PTPRK: variants seen among roughly 807,000 people sequenced by gnomAD.
The protein encoded by PTPRK is receptor-type tyrosine-protein phosphatase kappa.
Under a neutral mutation model 178.0 loss-of-function variants are expected in PTPRK, and 75 were observed. The observed-to-expected ratio is 0.42, with a 90% CI of 0.35 to 0.51. PTPRK has a LOEUF of 0.51. PTPRK is among the 20% of genes least tolerant of loss of function. The pLI, the probability that PTPRK is intolerant of heterozygous loss-of-function variation, is 0.02. For missense variants in PTPRK, 1,441 were observed against 1,797.8 expected (o/e 0.80, Z 3.59); for synonymous variants, 637 against 620.6 (o/e 1.03, Z -0.39).
At chr6:127,980,072 G>A (rs1252238298) in intron 25 of PTPRK, among the ~76,000 whole-genome samples, 4 of 152,064 alleles carry the variant, frequency 2.6e-5, no homozygotes, top group Non-Finnish European at 4.4e-5. Flanking sequence ...GTACTTTGGG[G>A]GGCCGAGGCA....
chr6:128,295,811 C>T (rs1242292026), intron 3 of PTPRK, among the ~76,000 whole-genome samples: 2 of 152,052 alleles, frequency 1.3e-5, no homozygotes, highest in Non-Finnish European at 2.9e-5. Context: ...ATATGCAGAG[C>T]TAATATACCT....
intron 2 of PTPRK, among the ~76,000 whole-genome samples, chr6:128,369,326 T>C (rs1315465949): frequency 6.6e-6 from 1 of 152,034 alleles, no homozygotes; most frequent in African/African-American, 2.4e-5. Flanking sequence ...GTAAATAACG[T>C]TTAAAGGCAG....
chr6:128,338,793 A>G (rs1831284782), intron 2 of PTPRK, among the ~76,000 whole-genome samples: 3 of 152,148 alleles, frequency 2.0e-5, no homozygotes, highest in African/African-American at 7.2e-5. Context: ...AGGATGGCTG[A>G]AAAGGTGAGT....
At chr6:128,335,018 G>A (rs573390546) in intron 2 of PTPRK, among the ~76,000 whole-genome samples, 1 of 152,272 alleles carries the variant, frequency 6.6e-6, no homozygotes, top group East Asian at 1.9e-4. Flanking sequence ...AACCCAGGAG[G>A]CGAAGTTTGC....
intron 2 of PTPRK, among the ~76,000 whole-genome samples, chr6:128,386,972 G>A (rs1321103723): frequency 1.3e-5 from 2 of 152,142 alleles, no homozygotes; most frequent in East Asian, 3.9e-4. Flanking sequence ...GGTGGCTGAG[G>A]CAGGAGAATC....
At chr6:128,439,328 G>C (rs1397346825) in intron 1 of PTPRK, among the ~76,000 whole-genome samples, 1 of 152,064 alleles carries the variant, frequency 6.6e-6, no homozygotes, top group African/African-American at 2.4e-5. Context: ...CAGAAACTTT[G>C]ATTCACCATT....
At chr6:128,117,415 G>A (rs117328150) in intron 7 of PTPRK, among the ~76,000 whole-genome samples, 2,140 of 152,170 alleles carry the variant, frequency 0.014, 30 homozygotes, top group Non-Finnish European at 0.022. Flanking sequence ...TAATGCTTCC[G>A]CAAGGAGTAT....
At chr6:128,399,701 C>G (rs1364642882) in intron 1 of PTPRK, among the ~76,000 whole-genome samples, 1 of 152,144 alleles carries the variant, frequency 6.6e-6, no homozygotes, top group Non-Finnish European at 1.5e-5. Flanking sequence ...ATTTAAACTA[C>G]CAGTGGGACC....
intron 3 of PTPRK, among the ~76,000 whole-genome samples, chr6:128,268,915 G>C (rs114758234): frequency 6.6e-6 from 1 of 151,966 alleles, no homozygotes; most frequent in Non-Finnish European, 1.5e-5. Context: ...AATAAACACA[G>C]AGGATTTAAA....
chr6:128,133,511 A>G (rs1300966737), intron 7 of PTPRK, among the ~76,000 whole-genome samples: 1 of 152,180 alleles, frequency 6.6e-6, no homozygotes, highest in Non-Finnish European at 1.5e-5. Flanking sequence ...CATGTTAATC[A>G]TTTATGATCA....
At chr6:128,012,843 T>G (rs1241368012) in intron 13 of PTPRK, among the ~76,000 whole-genome samples, 1 of 151,452 alleles carries the variant, frequency 6.6e-6, no homozygotes, top group Non-Finnish European at 1.5e-5. Flanking sequence ...TACAATGTAT[T>G]AAGTAATCTT....
At chr6:128,113,924 T>A (rs1791077874) in intron 7 of PTPRK, among the ~76,000 whole-genome samples, 1 of 152,128 alleles carries the variant, frequency 6.6e-6, no homozygotes, top group African/African-American at 2.4e-5. Context: ...TATCCAACAG[T>A]GTTTGAGTAA....
In PTPRK at chr6:128,240,150, T is replaced by C. The variant is rs774473823; in HGVS notation, c.578A>G (p.Asp193Gly). 3 of 1,601,918 alleles carry C rather than the reference T, an allele frequency of 1.9e-6. No individual in the cohort carries two copies. Among genetic ancestry groups the C allele is most frequent in the Non-Finnish European group, 2.6e-6 (3 of 1,172,264 alleles). The change falls in exon 5 of 30, where the codon GAT becomes GGT. Residue 193 changes from aspartate (D) to glycine (G), a missense_variant and splice_region_variant. Physicochemically the swap from Asp to Gly is moderately conservative, Grantham distance 94. Around this residue, in one of 4 missense-constraint regions of PTPRK, gnomAD observed 945 missense variants for 1,080.6 expected, o/e 0.87. Coordinates refer to ENST00000368226, the MANE Select transcript of PTPRK (RefSeq NM_002844.4). ...DDIQVLSYPC[D>G]KSPHFLRLGD... ...TAGACGGAGGAAATGAGGAGATTTA[T>C]CTGTGAAGGAAGGGAAAAAAAAATG...
At chr6:128,362,345 A>T (rs892717205) in intron 2 of PTPRK, among the ~76,000 whole-genome samples, 6 of 149,134 alleles carry the variant, frequency 4.0e-5, no homozygotes, top group African/African-American at 1.5e-4. Flanking sequence ...GTCTCCATGA[A>T]CAATCACCTC....
chr6:128,220,878 A>G (rs80242389), intron 5 of PTPRK, among the ~76,000 whole-genome samples: 2,479 of 152,290 alleles, frequency 0.016, 32 homozygotes, highest in African/African-American at 0.038. Context: ...CTCCAACAAG[A>G]AACATAAAAT....
intron 1 of PTPRK, among the ~76,000 whole-genome samples, chr6:128,464,654 T>TATATATATATATATATATACAC (rs1849593463): frequency 9.0e-6 from 1 of 111,318 alleles, no homozygotes; most frequent in African/African-American, 3.5e-5. Flanking sequence ...TATATATATA[T>TATATATATATATATATATACAC]ATATATATAT....
At chr6:128,025,354 T>C (rs1365223879) in intron 13 of PTPRK, among the ~76,000 whole-genome samples, 1 of 152,192 alleles carries the variant, frequency 6.6e-6, no homozygotes, top group African/African-American at 2.4e-5. Flanking sequence ...ACACACATTC[T>C]TATACATCTT....
chr6:128,486,533 G>A (rs1852912800), intron 1 of PTPRK, among the ~76,000 whole-genome samples: 2 of 152,194 alleles, frequency 1.3e-5, no homozygotes, highest in Admixed American at 6.5e-5. Context: ...GCCAGGCAAG[G>A]TGGTTCATGC....
intron 5 of PTPRK, among the ~76,000 whole-genome samples, chr6:128,227,738 CATA>C (rs1362218526): frequency 6.6e-6 from 1 of 152,008 alleles, no homozygotes; most frequent in Non-Finnish European, 1.5e-5. Context: ...AAAACCGCAA[CATA>C]ATATTTCAAG....
Sources: allele counts gnomAD v4.1 joint callset (sites outside exome capture counted in the v4.1 genomes callset), GRCh38; gene constraint gnomAD v4.1.1; regional missense constraint gnomAD v4.1.1; transcripts MANE v1.5; gene names NCBI Gene and HGNC (gene_info 2026-07-23, HGNC 2026-07-21).